The following PHF10 variants were observed in gnomAD, a reference collection of about 807,000 sequenced individuals.
PHF10 encodes BRG1-associated factor 45a.
PHF10 carries 51 observed loss-of-function variants against 68.5 expected under a neutral mutation model. The ratio of observed to expected loss-of-function variants is 0.74; its 90% CI spans 0.59 to 0.94. The LOEUF (loss-of-function observed/expected upper bound fraction) is 0.94. Among genes scored for constraint, PHF10 ranks in the 40% least tolerant of loss-of-function variants. PHF10 has a pLI of 0.00. For missense variants in PHF10, 460 were observed against 602.6 expected (o/e 0.76, Z 2.48); for synonymous variants, 204 against 203.5 (o/e 1.00, Z -0.02).
At chr6:169,711,143 T>C (rs1463163585) in intron 8 of PHF10, among the ~76,000 whole-genome samples, 1 of 152,204 alleles carries the variant, frequency 6.6e-6, no homozygotes, top group Non-Finnish European at 1.5e-5. Flanking sequence ...TCCACTTATA[T>C]ACATAAAGAT....
intron 11 of PHF10, 81 bp downstream of exon 11, chr6:169,705,052 G>T: frequency 1.9e-6 from 2 of 1,031,834 alleles, no homozygotes; most frequent in Non-Finnish European, 2.8e-6. Context: ...TTCATGTCAT[G>T]ATAGCGTTTA....
rs762792785 is a variant in PHF10, at chr6:169,712,076, A to G, written c.957+310T>C. 4.6e-5 allele frequency among the ~76,000 whole-genome samples: 7 copies of G among 152,312 alleles called. No homozygotes were observed. In the East Asian group the frequency reaches 1.2e-3, roughly 25 times the overall value. On this transcript the variant is annotated intron_variant, in intron 8 of 11. Transcript: ENST00000339209. ...CTACATTTCTGTGTCAAGAGATCAA[A>G]TTCTGTTTTGTTCAATATTTTAAGC...
intron 2 of PHF10, 68 bp from the exon 3 acceptor site, chr6:169,718,986 G>T: frequency 9.4e-7 from 1 of 1,059,446 alleles, no homozygotes; most frequent in Non-Finnish European, 1.4e-6. Context: ...TTTTATTGAG[G>T]ATATTTTGAA....
chr6:169,723,682 C>G lies in PHF10; in HGVS notation c.87+163G>C, dbSNP rs541706614. ...TTGCTCGCTAGAGGCCGCGGGCTCA[C>G]CTCGGGGCCCCGCCTCGCCGACCAC... On this transcript the variant is annotated intron_variant, in intron 1 of 11. Coordinates refer to ENST00000339209, the MANE Select transcript of PHF10 (RefSeq NM_018288.4). Among the ~76,000 whole-genome samples the G allele has an allele frequency of 9.9e-5, 15 of 151,900 alleles. No homozygotes were observed. The South Asian group carries it at 3.1e-3, about 31-fold the overall frequency.
chr6:169,718,118 G>A (rs1418154893), intron 3 of PHF10, among the ~76,000 whole-genome samples: 1 of 152,068 alleles, frequency 6.6e-6, no homozygotes, highest in Non-Finnish European at 1.5e-5. Flanking sequence ...ATAATCCAAA[G>A]CAAGAAGGTC....
At position 169,705,698 on chromosome 6, in the gene PHF10, A is replaced by T; in HGVS notation, c.1140T>A (p.Cys380Ter). Reference sequence around the variant, plus strand: ...ACTCCTTACCCTTCAGACAAATTCCACATATAGCATTTGGAATGACCTTTG... The same window carrying T: ...ACTCCTTACCCTTCAGACAAATTCCTCATATAGCATTTGGAATGACCTTTG... ...YKPKVIPNAI[C>*]GICLKGKESN... Residue 380 changes from cysteine to a stop codon, truncating the protein, a stop_gained, in exon 10 of 12, where the codon TGT becomes TGA. Transcript: ENST00000339209. LOFTEE classifies it high-confidence loss of function. 6.3e-7 allele frequency: 1 copy of T among 1,584,492 alleles called. No homozygotes were observed. Among genetic ancestry groups the T allele is most frequent in the Non-Finnish European group, 8.7e-7 (1 of 1,153,090 alleles).
At position 169,704,779 on chromosome 6, in the gene PHF10, A is replaced by T. The variant is rs949656057; in HGVS notation, c.1411+354T>A. On this transcript the variant is annotated intron_variant, in intron 11 of 11. Coordinates refer to ENST00000339209, the MANE Select transcript of PHF10 (RefSeq NM_018288.4). ...CTCAATTTACAGAAATCTATAATAG[A>T]TTTCTATAGAAATGTATAAAGACGT... The T allele has an allele frequency of 1.6e-5, 3 of 185,352 alleles. No homozygotes were observed. In the Admixed American group the frequency reaches 1.9e-4, roughly 12 times the overall value. 11.5% of individuals were successfully genotyped at this position (185,352 alleles called of 1,614,324 possible).
Position 169,723,984 on chromosome 6 carries a change from GC to G in PHF10, c.-54del, listed in dbSNP as rs1789257556. On this transcript the variant is annotated 5_prime_UTR_variant, in exon 1 of 12. Transcript: ENST00000339209. The stretch of plus-strand genomic sequence containing the variant: ...CCGCCGTCGCCTCCGCCTTGTCCCG[GC>G]CGCCGCCGCCGCTGCCGCCGCCGCC... The G allele has an allele frequency of 2.2e-6, 1 of 448,864 alleles. No homozygotes were observed. Among genetic ancestry groups the G allele is most frequent in the Non-Finnish European group, 2.9e-6 (1 of 345,498 alleles). The allele number at this position is 448,864 out of a possible 1,614,324, so 27.8% of individuals were successfully genotyped here. A position where few individuals can be genotyped will look rare whatever the true frequency, so the allele number is the denominator to read the frequency against.
rs1452909892 is a variant in PHF10 at position 169,723,992 on chromosome 6, C to G, written c.-61G>C. 9 of 382,318 alleles carry G rather than the reference C, an allele frequency of 2.4e-5. No homozygotes were observed. Among genetic ancestry groups the G allele is most frequent in the Non-Finnish European group, 3.2e-5 (9 of 284,052 alleles). The allele number at this position is 382,318 out of a possible 1,614,324, so 23.7% of individuals were successfully genotyped here. ...GCCTCCGCCTTGTCCCGGCCGCCGC[C>G]GCCGCTGCCGCCGCCGCCGCCGCCG... On this transcript the variant is annotated 5_prime_UTR_variant, in exon 1 of 12. Coordinates refer to ENST00000339209, the MANE Select transcript of PHF10 (RefSeq NM_018288.4).
Position 169,705,028 on chromosome 6 carries a change from G to GAGT in PHF10, c.1411+102_1411+104dup. The stretch of plus-strand genomic sequence containing the variant: ...CAGCTTTGGTCATATTTGCACATAA[G>GAGT]AGTCCACAAGCTCTTCATGTCATGA... On this transcript the variant is annotated intron_variant, in intron 11 of 11. Coordinates refer to ENST00000339209, the MANE Select transcript of PHF10 (RefSeq NM_018288.4). The GAGT allele has an allele frequency of 4.0e-6, 3 of 754,132 alleles. No homozygotes were observed. The South Asian group carries it at 6.9e-5, about 17-fold the overall frequency. 46.7% of individuals were successfully genotyped at this position (754,132 alleles called of 1,614,324 possible).
At chr6:169,718,738 C>A in intron 3 of PHF10, 50 bp downstream of exon 3, 1 of 1,045,866 alleles carries the variant, frequency 9.6e-7, no homozygotes. Context: ...GACAGTGTAT[C>A]ATAAAGAATT....
At chr6:169,705,021 C>T (rs768085007) in intron 11 of PHF10, 112 bp downstream of exon 11, 3 of 702,486 alleles carry the variant, frequency 4.3e-6, no homozygotes, top group Admixed American at 3.0e-5. Context: ...GTCATATTTG[C>T]ACATAAGAGT....
At chr6:169,722,338 G>A (rs1789199992) in intron 1 of PHF10, among the ~76,000 whole-genome samples, 1 of 152,136 alleles carries the variant, frequency 6.6e-6, no homozygotes, top group African/African-American at 2.4e-5. Context: ...ATAAGTATCT[G>A]CATACAACTG....
chr6:169,715,588 A>C, intron 6 of PHF10, 120 bp downstream of exon 6: 2 of 904,216 alleles, frequency 2.2e-6, no homozygotes, highest in Admixed American at 4.4e-5. Context: ...ACAAACAAAC[A>C]AACAAAAAAA....
Position 169,712,432 on chromosome 6 carries a change from C to T in PHF10, c.911G>A (p.Gly304Asp). ...ALDSDGDSDD[G>D]EDGRGDEKRK... Reference sequence around the variant, plus strand: ...TTTCTCATCACCTCGACCATCTTCGCCATCATCTGAATCACCATCACTGTC... The same window carrying T: ...TTTCTCATCACCTCGACCATCTTCGTCATCATCTGAATCACCATCACTGTC... The change falls in exon 8 of 12, where the codon GGC (glycine) becomes GAC (aspartate). Residue 304 changes from glycine to aspartate, a missense_variant. Gly to Asp is a moderately conservative substitution (Grantham distance 94, BLOSUM62 -1). This residue lies in a region of PHF10 where 256 missense variants were observed against 410.5 expected (regional missense o/e 0.62). Transcript: ENST00000339209. 6.2e-7 allele frequency: 1 copy of T among 1,614,090 alleles called. No homozygotes were observed. The highest frequency in any genetic ancestry group is 1.1e-5 in the South Asian group (1 of 91,084).
chr6:169,707,370 T>C (rs1788825937), intron 9 of PHF10: 1 of 152,186 alleles, frequency 6.6e-6, no homozygotes, highest in East Asian at 1.9e-4. Context: ...ATAATCCAAA[T>C]TCTGGTTCAG....
intron 5 of PHF10, 30 bp downstream of exon 5, chr6:169,715,925 T>C: frequency 6.3e-7 from 1 of 1,595,762 alleles, no homozygotes; most frequent in Non-Finnish European, 8.5e-7. Context: ...CCAACCCAAA[T>C]AAAAAATGCC....
chr6:169,703,924 A>G lies in PHF10; in HGVS notation c.*79T>C. Reference sequence around the variant, plus strand: ...TCATAATTTGCAAAAAAAATCTTTTATTGGCATGAAAATAATGTTGTAAAT... The same window carrying G: ...TCATAATTTGCAAAAAAAATCTTTTGTTGGCATGAAAATAATGTTGTAAAT... On this transcript the variant is annotated 3_prime_UTR_variant, in exon 12 of 12. Transcript: ENST00000339209. The G allele has an allele frequency of 8.5e-7, 1 of 1,179,462 alleles. No individual in the cohort carries two copies. Among genetic ancestry groups the G allele is most frequent in the Non-Finnish European group, 1.2e-6 (1 of 841,462 alleles). 73.1% of individuals were successfully genotyped at this position (1,179,462 alleles called of 1,614,324 possible).
At position 169,715,963 on chromosome 6, in the gene PHF10, C is replaced by T. The variant is rs768530856; in HGVS notation, c.535G>A (p.Glu179Lys). 1.2e-6 allele frequency: 2 copies of T among 1,606,354 alleles called. No individual in the cohort carries two copies. The change falls in exon 5 of 12, where the codon GAG (glutamate) becomes AAG (lysine). Residue 179 changes from glutamate (E) to lysine (K), a missense_variant. Glu to Lys is a moderately conservative substitution (Grantham distance 56). Coordinates refer to ENST00000339209, the MANE Select transcript of PHF10 (RefSeq NM_018288.4). The part of the protein sequence containing the change: ...ERQRITDHYK[E>K]YSQMQQQNTQ... ...TCACCTCAATTACTTACGGAATACTCTTTATAATGGTCTGTAATTCGTTGA... is the reference window on the plus strand; with the variant it reads ...TCACCTCAATTACTTACGGAATACTTTTTATAATGGTCTGTAATTCGTTGA...
Sources: gnomAD v4.1 joint callset for allele counts (sites outside exome capture counted in the v4.1 genomes callset) on GRCh38, gnomAD v4.1.1 for gene constraint, gnomAD v4.1.1 regional missense constraint, MANE v1.5 for transcripts, NCBI Gene and HGNC (gene_info 2026-07-23, HGNC 2026-07-21) for gene names.